DNMT3A: variants seen among roughly 807,000 people sequenced by gnomAD.
DNMT3A encodes the protein DNA methyltransferase 3 alpha.
Under a neutral mutation model 117.6 loss-of-function variants are expected in DNMT3A, and 267 were observed. The observed-to-expected ratio is 2.27, with a 90% CI of 2.05 to 2.51. The LOEUF is 2.51. Ranked by LOEUF, DNMT3A falls within the 30% of genes most tolerant of loss-of-function variation. The probability of loss-of-function intolerance (pLI) is 0.00; values close to 1 mark genes in which losing one functional copy is unlikely to be tolerated. For synonymous variants in DNMT3A, 432 were observed against 474.8 expected, an observed-to-expected ratio of 0.91 and a Z score of 1.17; for missense variants, 1,029 against 1,260.2, an observed-to-expected ratio of 0.82 and a Z score of 2.78.
chr2:25,304,970 A>G lies in DNMT3A; in HGVS notation c.73-4727T>C, dbSNP rs534785968. On this transcript the variant is annotated intron_variant, in intron 2 of 22. Transcript: ENST00000321117. The surrounding 1 kb of genome is among the most constrained non-coding windows in gnomAD (Gnocchi z 4.3). ...TATAGTTCCCCTACCCAGCAAGGCA[A>G]CGGTCAGCTCCTTGAGGGAAGTGTG... Among the ~76,000 whole-genome samples, 189 of 152,350 alleles carry G rather than the reference A, an allele frequency of 1.2e-3. 3 individuals are homozygous for G. Among genetic ancestry groups the G allele is most frequent in the South Asian group, 7.0e-3 (34 of 4,828 alleles).
Position 25,293,987 on chromosome 2 carries a change from A to G in DNMT3A, c.177+6152T>C, listed in dbSNP as rs2032938565. On this transcript the variant is annotated intron_variant, in intron 3 of 22. Coordinates refer to ENST00000321117, the MANE Select transcript of DNMT3A (RefSeq NM_022552.5). The surrounding 1 kb of genome is among the most constrained non-coding windows in gnomAD (Gnocchi z 4.7). ...CACCCAGCCCCGTATACATTTTTCA[A>G]TGAATCCCTAGTCCCCTCAGCCAGG... Among the ~76,000 whole-genome samples, 3 of 152,150 alleles carry G rather than the reference A, an allele frequency of 2.0e-5. No individual in the cohort carries two copies. The highest frequency in any genetic ancestry group is 4.8e-5 in the African/African-American group (2 of 41,432).
intron 12 of DNMT3A, 50 bp from the exon 13 acceptor site, chr2:25,245,382 C>A (rs773235921): frequency 6.5e-7 from 1 of 1,548,012 alleles, no homozygotes; most frequent in Non-Finnish European, 8.9e-7. Flanking sequence ...AGGGCCTCTC[C>A]CTCCCCGGGC....
intron 1 of DNMT3A, among the ~76,000 whole-genome samples, chr2:25,324,945 A>G (rs962162075): frequency 1.3e-5 from 2 of 152,182 alleles, no homozygotes; most frequent in African/African-American, 2.4e-5. Context: ...TAGAGTCACA[A>G]TAAGACGGCT....
chr2:25,240,429 A>C lies in DNMT3A; in HGVS notation c.2195T>G (p.Phe732Cys), dbSNP rs767134940. The stretch of plus-strand genomic sequence containing the variant: ...ATCATGCAGGAGGCGGTAGAACTCA[A>C]AGAAGAGCCGGCCAGTGCCCTCTGA... ...GLYEGTGRLF[F>C]EFYRLLHDAR... Residue 732 changes from phenylalanine to cysteine, a missense_variant, in exon 19 of 23, where the codon TTT becomes TGT. Phe to Cys is a radical substitution (Grantham distance 205). Transcript: ENST00000321117. The C allele has an allele frequency of 1.2e-6, 2 of 1,611,058 alleles. No homozygotes were observed. The highest frequency in any genetic ancestry group is 1.1e-5 in the South Asian group (1 of 90,610).
In DNMT3A at chr2:25,244,276, TTAATGGCTGCCTGGGCAGCC is replaced by T; in HGVS notation, c.1710_1729del (p.Ala571GlyfsTer34). 1 of 1,613,460 alleles carries T rather than the reference TTAATGGCTGCCTGGGCAGCC, an allele frequency of 6.2e-7. No homozygotes were observed. The highest frequency in any genetic ancestry group is 1.1e-5 in the South Asian group (1 of 91,030). Reference sequence around the variant, plus strand: ...CATGTAGCAGTTCCAGGGGTCTTCCTTAATGGCTGCCTGGGCAGCCCCCGGCCCCACCAAGAGGTCCACAC... The same window carrying T: ...CATGTAGCAGTTCCAGGGGTCTTCCTCCCGGCCCCACCAAGAGGTCCACAC... On this transcript the variant is annotated frameshift_variant, in exon 15 of 23. Coordinates refer to ENST00000321117, the MANE Select transcript of DNMT3A (RefSeq NM_022552.5). LOFTEE classifies it high-confidence loss of function.
chr2:25,254,118 CCAT>C lies in DNMT3A; in HGVS notation c.640-5869_640-5867del, dbSNP rs1675911857. Among the ~76,000 whole-genome samples the C allele has an allele frequency of 6.6e-6, 1 of 152,010 alleles. No homozygotes were observed. The highest frequency in any genetic ancestry group is 1.5e-5 in the Non-Finnish European group (1 of 68,010). Reference sequence around the variant, plus strand: ...CTGGACTTCAGTTCTGTTTCCACCACCATGACCTTAAACAAGTCACTTAACCCC... The same window carrying C: ...CTGGACTTCAGTTCTGTTTCCACCACGACCTTAAACAAGTCACTTAACCCC... On this transcript the variant is annotated intron_variant, in intron 6 of 22. Coordinates refer to ENST00000321117, the MANE Select transcript of DNMT3A (RefSeq NM_022552.5). The surrounding 1 kb of genome is among the most constrained non-coding windows in gnomAD (Gnocchi z 4.7).
At position 25,248,172 on chromosome 2, in the gene DNMT3A, C is replaced by T; in HGVS notation, c.720G>A (p.Glu240=). Residue 240 remains glutamate (E), a synonymous_variant, in exon 7 of 23, where the codon GAG becomes GAA. Coordinates refer to ENST00000321117, the MANE Select transcript of DNMT3A (RefSeq NM_022552.5). The part of the protein sequence containing the change: ...NQGPGESQKV[E]EASPPAVQQP... ...GCTGCACAGCAGGAGGGCTGGCCTC[C>T]TCCACCTTCTGAGACTCCCCGGGCC... 1 of 1,613,928 alleles carries T rather than the reference C, an allele frequency of 6.2e-7. No individual in the cohort carries two copies. The highest frequency in any genetic ancestry group is 1.1e-5 in the South Asian group (1 of 91,060).
intron 1 of DNMT3A, among the ~76,000 whole-genome samples, chr2:25,319,017 C>CT (rs567787303): frequency 0.029 from 2,989 of 103,264 alleles, 51 homozygotes; most frequent in Non-Finnish European, 0.044. Context: ...TTCTTTCTTT[C>CT]TTTTTTTTTT....
chr2:25,241,625 G>GCCCA lies in DNMT3A; in HGVS notation c.2015_2018dup (p.Met674GlyfsTer40). The GCCCA allele has an allele frequency of 6.2e-7, 1 of 1,613,904 alleles. No individual in the cohort carries two copies. Among genetic ancestry groups the GCCCA allele is most frequent in the Non-Finnish European group, 8.5e-7 (1 of 1,179,956 alleles). On this transcript the variant is annotated frameshift_variant, in exon 17 of 23. Coordinates refer to ENST00000321117, the MANE Select transcript of DNMT3A (RefSeq NM_022552.5). LOFTEE classifies it high-confidence loss of function. ...TGATCTTCCCCTGGTGCCGCACCAT[G>GCCCA]CCCACCGTGATGGAGTCCTCACACA... is the stretch of plus-strand genomic sequence containing the variant.
At position 25,266,229 on chromosome 2, in the gene DNMT3A, G is replaced by A. The variant is rs1010004689; in HGVS notation, c.639+8712C>T. On this transcript the variant is annotated intron_variant, in intron 6 of 22. Transcript: ENST00000321117. ...TAGAACTTGTTCAGCCTTGGGTAAAGTATACTTGCTGTGCCTACTCCAAAC... is the reference window on the plus strand; with the variant it reads ...TAGAACTTGTTCAGCCTTGGGTAAAATATACTTGCTGTGCCTACTCCAAAC... Among the ~76,000 whole-genome samples, 15 of 152,194 alleles carry A rather than the reference G, an allele frequency of 9.9e-5. No homozygotes were observed. In the East Asian group the frequency reaches 2.7e-3, roughly 27 times the overall value.
intron 6 of DNMT3A, among the ~76,000 whole-genome samples, chr2:25,267,476 T>C (rs2030463397): frequency 6.6e-6 from 1 of 152,030 alleles, no homozygotes; most frequent in Admixed American, 6.6e-5. Context: ...TCAGGAGGCT[T>C]AGGTGGGAGG....
intron 16 of DNMT3A, among the ~76,000 whole-genome samples, chr2:25,242,731 T>TG (rs1012190836): frequency 2.6e-5 from 4 of 151,970 alleles, no homozygotes; most frequent in South Asian, 4.2e-4. Context: ...AGCCCTTGGC[T>TG]GGGGGGGCAG....
At chr2:25,284,736 C>T (rs1043560975) in intron 3 of DNMT3A, among the ~76,000 whole-genome samples, 4 of 149,822 alleles carry the variant, frequency 2.7e-5, no homozygotes, top group Non-Finnish European at 5.9e-5. Flanking sequence ...AGCTCCCTAC[C>T]CCCAAAATCT....
At position 25,234,158 on chromosome 2, in the gene DNMT3A, T is replaced by A; in HGVS notation, c.*121A>T. On this transcript the variant is annotated 3_prime_UTR_variant, in exon 23 of 23. Transcript: ENST00000321117. The surrounding 1 kb of genome is among the most constrained non-coding windows in gnomAD (Gnocchi z 4.5). ...TCTGTGGTTTTTGTTTTAAATTCCT[T>A]TTTCTCTTCTGGGTGCTGATACTTC... 3.5e-6 allele frequency: 5 copies of A among 1,423,560 alleles called. No individual in the cohort carries two copies. Among genetic ancestry groups the A allele is most frequent in the Non-Finnish European group, 4.6e-6 (5 of 1,078,614 alleles). The allele number at this position is 1,423,560 out of a possible 1,614,324, so 88.2% of individuals were successfully genotyped here.
rs992644921 is a variant in DNMT3A at position 25,232,694 on chromosome 2, A to T, written c.*1585T>A. 1 of 167,196 alleles carries T rather than the reference A, an allele frequency of 6.0e-6. No individual in the cohort carries two copies. Among genetic ancestry groups the T allele is most frequent in the African/African-American group, 2.4e-5 (1 of 41,906 alleles). The allele number at this position is 167,196 out of a possible 1,614,324, so 10.4% of individuals were successfully genotyped here. On this transcript the variant is annotated 3_prime_UTR_variant, in exon 23 of 23. Coordinates refer to ENST00000321117, the MANE Select transcript of DNMT3A (RefSeq NM_022552.5). The surrounding 1 kb of genome is among the most constrained non-coding windows in gnomAD (Gnocchi z 4.1). The stretch of plus-strand genomic sequence containing the variant: ...AGGGCACCAGAGCCACCGCTAACTC[A>T]GAAGCACCCTGCTCCCGCACCTTGG...
In DNMT3A at chr2:25,282,522, C is replaced by G; in HGVS notation, c.367G>C (p.Glu123Gln). The G allele has an allele frequency of 1.2e-6, 2 of 1,613,448 alleles. No homozygotes were observed. The highest frequency in any genetic ancestry group is 1.7e-5 in the Admixed American group (1 of 60,022). The stretch of plus-strand genomic sequence containing the variant: ...GCTCTTGAGGCTTCAGGCAGGGTCT[C>G]AGCTGCACCCTCTCCCTCTGCTGGG... The part of the protein sequence containing the change: ...GAPAEGEGAA[E>Q]TLPEASRAVE... The change falls in exon 4 of 23, where the codon GAG becomes CAG. Residue 123 changes from glutamate (E) to glutamine (Q), a missense_variant. Glu to Gln is a conservative substitution (Grantham distance 29, BLOSUM62 2). Coordinates refer to ENST00000321117, the MANE Select transcript of DNMT3A (RefSeq NM_022552.5). The surrounding 1 kb of genome is among the most constrained non-coding windows in gnomAD (Gnocchi z 5.2).
Position 25,234,482 on chromosome 2 carries a change from C to T in DNMT3A, c.2598-62G>A, listed in dbSNP as rs77496230. ...TGGCCAGACCAGGCTGCCCGGAAGC[C>T]GTCTAACCACACAGCAGGACCCGGA... On this transcript the variant is annotated intron_variant, in intron 22 of 22. Transcript: ENST00000321117. The surrounding 1 kb of genome is among the most constrained non-coding windows in gnomAD (Gnocchi z 4.5). The T allele has an allele frequency of 2.1e-3, 3,190 of 1,549,300 alleles. 130 individuals carry two copies. The East Asian group carries it at 0.055, about 27-fold the overall frequency.
chr2:25,236,848 G>A lies in DNMT3A; in HGVS notation c.2478+88C>T, dbSNP rs1222324609. ...TTCTCCACACTAGCTGGAGAAGCAG[G>A]CGGGACAAGGCCCTGGCCACCGCTC... On this transcript the variant is annotated intron_variant, in intron 21 of 22. Coordinates refer to ENST00000321117, the MANE Select transcript of DNMT3A (RefSeq NM_022552.5). The surrounding 1 kb of genome is among the most constrained non-coding windows in gnomAD (Gnocchi z 4.5). The A allele has an allele frequency of 5.1e-6, 7 of 1,369,008 alleles. No homozygotes were observed. Among genetic ancestry groups the A allele is most frequent in the Middle Eastern group, 1.8e-4 (1 of 5,484 alleles). The allele number at this position is 1,369,008 out of a possible 1,614,324, so 84.8% of individuals were successfully genotyped here.
chr2:25,320,922 G>A (rs957095882), intron 1 of DNMT3A, among the ~76,000 whole-genome samples: 7 of 151,960 alleles, frequency 4.6e-5, no homozygotes, highest in African/African-American at 1.2e-4. Context: ...ACCTGAGGTC[G>A]GAAGTTCAAG....
Sources: allele counts gnomAD v4.1 joint callset (sites outside exome capture counted in the v4.1 genomes callset), GRCh38; gene constraint gnomAD v4.1.1; non-coding constraint Gnocchi (gnomAD v3.1); transcripts MANE v1.5; gene names NCBI Gene and HGNC (gene_info 2026-07-23, HGNC 2026-07-21).